HS6ST2: variants seen among roughly 807,000 people sequenced by gnomAD.
HS6ST2 encodes the protein heparan sulfate 6-O-sulfotransferase 2, also known as heparan-sulfate 6-O-sulfotransferase 2.
HS6ST2 carries 17 observed loss-of-function variants against 33.0 expected under a neutral mutation model. That is an observed-to-expected ratio of 0.52 (90% CI 0.35 to 0.77). HS6ST2 has a LOEUF of 0.77. Among genes scored for constraint, HS6ST2 ranks in the 30% least tolerant of loss-of-function variants. HS6ST2 has a pLI of 0.01. For synonymous variants in HS6ST2, 248 were observed against 237.1 expected (o/e 1.05, Z -0.42); for missense variants, 519 against 551.7 (o/e 0.94, Z 0.59).
intron 4 of HS6ST2, among the ~76,000 whole-genome samples, chrX:132,657,130 A>G (rs1167533097): frequency 1.8e-5 from 2 of 111,435 alleles, no homozygotes; most frequent in African/African-American, 6.5e-5. Flanking sequence ...ATTCCTGTTG[A>G]CTAACACAAA....
intron 2 of HS6ST2, among the ~76,000 whole-genome samples, chrX:132,765,837 C>T (rs1276525173): frequency 8.9e-6 from 1 of 112,286 alleles, no homozygotes; most frequent in African/African-American, 3.2e-5. Flanking sequence ...TTTATTATCT[C>T]ATGTAATCAT....
chrX:132,743,037 G>A (rs747635519), intron 2 of HS6ST2, among the ~76,000 whole-genome samples: 1 of 111,871 alleles, frequency 8.9e-6, no homozygotes, highest in South Asian at 3.8e-4. Flanking sequence ...GGGAGATGGT[G>A]GCATGATTAA....
chrX:132,805,359 G>A (rs2065271322), intron 2 of HS6ST2, among the ~76,000 whole-genome samples: 1 of 111,303 alleles, frequency 9.0e-6, no homozygotes, highest in Non-Finnish European at 1.9e-5. Context: ...GAAATGAGAG[G>A]AGGGGAGAAG....
chrX:132,957,039 C>A lies in HS6ST2; in HGVS notation c.716G>T (p.Gly239Val). 8.3e-7 allele frequency: 1 copy of A among 1,211,507 alleles called. No individual in the cohort carries two copies. The highest frequency in any genetic ancestry group is 1.1e-6 in the Non-Finnish European group (1 of 895,159). Reference protein sequence around the residue: ...IVFLHIQKTGGTTFGRHLVRN... With the variant: ...IVFLHIQKTGVTTFGRHLVRN... ...CACCAAGTGGCGGCCGAAAGTGGTG[C>A]CCCCGGTCTTCTGGATGTGCAGGAA... is the stretch of plus-strand genomic sequence containing the variant. Residue 239 changes from glycine (G) to valine (V), a missense_variant, in exon 2 of 5, where the codon GGC becomes GTC. Physicochemically the swap from Gly to Val is moderately radical, Grantham distance 109 (BLOSUM62 -3). Transcript: ENST00000370833.
chrX:132,651,995 C>G (rs2063696659), intron 4 of HS6ST2, among the ~76,000 whole-genome samples: 1 of 111,837 alleles, frequency 8.9e-6, no homozygotes, highest in South Asian at 3.7e-4. Flanking sequence ...CGACAGGCAC[C>G]CACAGTGCTC....
intron 2 of HS6ST2, among the ~76,000 whole-genome samples, chrX:132,792,516 T>G (rs937475021): frequency 6.2e-5 from 7 of 112,353 alleles, no homozygotes; most frequent in Non-Finnish European, 1.1e-4. Context: ...ATAATTCACA[T>G]ACCATACAAT....
At chrX:132,786,193 T>A (rs994303284) in intron 2 of HS6ST2, among the ~76,000 whole-genome samples, 5 of 112,116 alleles carry the variant, frequency 4.5e-5, no homozygotes, top group Non-Finnish European at 9.4e-5. Context: ...TTTGTAGCTA[T>A]AAAATGAAAA....
rs1254686213 is a variant in HS6ST2 at position 132,888,629 on chromosome X, C to T, written c.947+68179G>A. On this transcript the variant is annotated intron_variant, in intron 2 of 4. Transcript: ENST00000370833. ...AAGCAATTCTCATGCCTCAGCCTCCCGAGTAGCTGGATTACAGGCACGCAC... is the reference window on the plus strand; with the variant it reads ...AAGCAATTCTCATGCCTCAGCCTCCTGAGTAGCTGGATTACAGGCACGCAC... Among the ~76,000 whole-genome samples the T allele has an allele frequency of 7.2e-5, 8 of 111,191 alleles. No individual in the cohort carries two copies. The East Asian group carries it at 2.0e-3, about 28-fold the overall frequency.
chrX:132,632,503 G>A lies in HS6ST2; in HGVS notation c.1068-3410C>T, dbSNP rs138112159. Among the ~76,000 whole-genome samples the A allele has an allele frequency of 2.4e-4, 26 of 110,411 alleles. 1 individual carries two copies. The East Asian group carries it at 6.1e-3, about 26-fold the overall frequency. ...AAGCACGCTGGGGAATGCAGCTGGGGTCGGGGGCAAACAGAGACATGGCCA... is the reference window on the plus strand; with the variant it reads ...AAGCACGCTGGGGAATGCAGCTGGGATCGGGGGCAAACAGAGACATGGCCA... On this transcript the variant is annotated intron_variant, in intron 4 of 4. Coordinates refer to ENST00000370833, the MANE Select transcript of HS6ST2 (RefSeq NM_001394073.1).
chrX:132,708,534 T>G, intron 2 of HS6ST2, 40 bp from the exon 3 acceptor site: 1 of 1,115,225 alleles, frequency 9.0e-7, no homozygotes, highest in Middle Eastern at 2.4e-4. Flanking sequence ...AGCAAGAGCT[T>G]GGTAGGAGAG....
chrX:132,870,516 T>C (rs954867815), intron 2 of HS6ST2, among the ~76,000 whole-genome samples: 16 of 111,571 alleles, frequency 1.4e-4, no homozygotes, highest in African/African-American at 3.3e-4. Context: ...GACTTCAAAC[T>C]ATACTATAAG....
chrX:132,757,373 A>T lies in HS6ST2; in HGVS notation c.948-48879T>A, dbSNP rs1035838972. ...AGCCTCGAGCACAGAGTCACTGGTT[A>T]AGCCCCTGGTTTCTGCCACCAAAGC... On this transcript the variant is annotated intron_variant, in intron 2 of 4. Coordinates refer to ENST00000370833, the MANE Select transcript of HS6ST2 (RefSeq NM_001394073.1). Among the ~76,000 whole-genome samples the T allele has an allele frequency of 1.3e-4, 15 of 111,916 alleles. 1 individual carries two copies. Among genetic ancestry groups the T allele is most frequent in the Admixed American group, 9.5e-5 (1 of 10,576 alleles).
chrX:132,785,510 G>C (rs1345542548), intron 2 of HS6ST2, among the ~76,000 whole-genome samples: 2 of 112,317 alleles, frequency 1.8e-5, no homozygotes, highest in Non-Finnish European at 3.8e-5. Flanking sequence ...TTGGTCCCCT[G>C]TTCAGCACAT....
chrX:132,806,490 G>A (rs949856237), intron 2 of HS6ST2, among the ~76,000 whole-genome samples: 2 of 110,108 alleles, frequency 1.8e-5, no homozygotes, highest in African/African-American at 6.5e-5. Context: ...TCACAGTGAT[G>A]TTCCAGAGAC....
chrX:132,835,505 C>T (rs769949102), intron 2 of HS6ST2, among the ~76,000 whole-genome samples: 2 of 112,104 alleles, frequency 1.8e-5, no homozygotes, highest in Non-Finnish European at 3.8e-5. Context: ...TCTTCCTGGA[C>T]GTCCTTCTCC....
intron 2 of HS6ST2, among the ~76,000 whole-genome samples, chrX:132,756,549 C>T (rs977348896): frequency 4.5e-5 from 5 of 110,552 alleles, no homozygotes; most frequent in African/African-American, 6.6e-5. Context: ...GCTCGCCCAG[C>T]CTCCTGGCCT....
intron 2 of HS6ST2, among the ~76,000 whole-genome samples, chrX:132,764,959 GAAAGAGT>G (rs750685764): frequency 8.9e-6 from 1 of 112,225 alleles, no homozygotes; most frequent in Non-Finnish European, 1.9e-5. Context: ...GCTCAGACCA[GAAAGAGT>G]AAAGAGATTC....
At chrX:132,744,989 T>C (rs922242761) in intron 2 of HS6ST2, among the ~76,000 whole-genome samples, 1 of 112,353 alleles carries the variant, frequency 8.9e-6, no homozygotes, top group African/African-American at 3.2e-5. Flanking sequence ...AGGCGTTACA[T>C]GTACAGGTTT....
At chrX:132,889,757 G>A (rs2066289067) in intron 2 of HS6ST2, among the ~76,000 whole-genome samples, 1 of 111,260 alleles carries the variant, frequency 9.0e-6, no homozygotes, top group Non-Finnish European at 1.9e-5. Context: ...AAGGAAAGAC[G>A]ATGATAGATA....
Sources: gnomAD v4.1 joint callset for allele counts (sites outside exome capture counted in the v4.1 genomes callset) on GRCh38, gnomAD v4.1.1 for gene constraint, MANE v1.5 for transcripts, NCBI Gene and HGNC (gene_info 2026-07-23, HGNC 2026-07-21) for gene names.